KSR2: variants seen among roughly 807,000 people sequenced by gnomAD.
The protein encoded by KSR2 is kinase suppressor of ras 2.
Under a neutral mutation model 107.8 loss-of-function variants are expected in KSR2, and 25 were observed. The ratio of observed to expected loss-of-function variants is 0.23; its 90% CI spans 0.17 to 0.32. The LOEUF (loss-of-function observed/expected upper bound fraction) is 0.32. Ranked by LOEUF, KSR2 falls within the 10% of genes least tolerant of loss-of-function variation. The pLI, the probability that KSR2 is intolerant of heterozygous loss-of-function variation, is 1.00. For missense variants in KSR2, 887 were observed against 1,268.9 expected, an observed-to-expected ratio of 0.70 and a Z score of 4.57; for synonymous variants, 480 against 507.0, an observed-to-expected ratio of 0.95 and a Z score of 0.71.
chr12:117,786,444 G>A lies in KSR2; in HGVS notation c.473-24920C>T, dbSNP rs1324660443. ...TTTCACCACCCAAGTACTAAGCTTA[G>A]TACTCAATAGTTCTTTTTTCTCATC... is the stretch of plus-strand genomic sequence containing the variant. On this transcript the variant is annotated intron_variant, in intron 3 of 19. Transcript: ENST00000339824. Among the ~76,000 whole-genome samples the A allele has an allele frequency of 2.0e-5, 3 of 152,030 alleles. No individual in the cohort carries two copies. The East Asian group carries it at 5.8e-4, about 29-fold the overall frequency.
chr12:117,899,125 A>T (rs769301526), intron 1 of KSR2, among the ~76,000 whole-genome samples: 1 of 152,204 alleles, frequency 6.6e-6, no homozygotes, highest in African/African-American at 2.4e-5. Flanking sequence ...TGCTTATCCC[A>T]AAGTCAAGCT....
At chr12:117,695,660 G>C (rs759940458) in intron 4 of KSR2, among the ~76,000 whole-genome samples, 7 of 151,014 alleles carry the variant, frequency 4.6e-5, no homozygotes, top group Non-Finnish European at 1.0e-4. Context: ...GCAGTGAACT[G>C]TGATCACACC....
chr12:117,637,678 T>A (rs992088025), intron 5 of KSR2, among the ~76,000 whole-genome samples: 1 of 82,136 alleles, frequency 1.2e-5, no homozygotes, highest in Non-Finnish European at 2.4e-5. Context: ...GTTTTGGGTT[T>A]TTTTTTTTTT....
chr12:117,555,422 ATAATG>A, intron 8 of KSR2, 129 bp from the exon 9 acceptor site: 1 of 859,108 alleles, frequency 1.2e-6, no homozygotes, highest in Non-Finnish European at 1.8e-6. Flanking sequence ...ACTAAAAGTG[ATAATG>A]ATTCTGTGGT....
At chr12:117,665,733 C>T (rs1221141719) in intron 5 of KSR2, among the ~76,000 whole-genome samples, 7 of 152,200 alleles carry the variant, frequency 4.6e-5, no homozygotes, top group African/African-American at 1.7e-4. Flanking sequence ...TCATCTAATC[C>T]TCACAACTGT....
chr12:117,784,399 T>C (rs1283630808), intron 3 of KSR2, among the ~76,000 whole-genome samples: 1 of 152,256 alleles, frequency 6.6e-6, no homozygotes, highest in Non-Finnish European at 1.5e-5. Context: ...GCCATGATTG[T>C]GAGGCCTCCC....
chr12:117,839,893 A>G (rs1892392075), intron 3 of KSR2, among the ~76,000 whole-genome samples: 1 of 152,202 alleles, frequency 6.6e-6, no homozygotes, highest in African/African-American at 2.4e-5. Context: ...GATGAAAGTA[A>G]GCAAACAGGG....
intron 17 of KSR2, among the ~76,000 whole-genome samples, chr12:117,473,040 A>G (rs1303186133): frequency 6.6e-6 from 1 of 152,170 alleles, no homozygotes; most frequent in African/African-American, 2.4e-5. Context: ...TTCCAGGCCA[A>G]TATTCCCCAG....
At chr12:117,656,285 A>G (rs7315976) in intron 5 of KSR2, among the ~76,000 whole-genome samples, 20,123 of 152,200 alleles carry the variant, frequency 0.13, 2,176 homozygotes, top group East Asian at 0.54. Context: ...ATAGTATTTG[A>G]GTTAGAGGTT....
At position 117,824,278 on chromosome 12, in the gene KSR2, C is replaced by T. The variant is rs558403053; in HGVS notation, c.472+31150G>A. 2.2e-3 allele frequency among the ~76,000 whole-genome samples: 327 copies of T among 151,774 alleles called. 2 individuals carry two copies. The highest frequency in any genetic ancestry group is 7.5e-3 in the African/African-American group (308 of 41,334). On this transcript the variant is annotated intron_variant, in intron 3 of 19. Coordinates refer to ENST00000339824, the MANE Select transcript of KSR2 (RefSeq NM_173598.6). ...GCAGGGGGAGGGGGAGGGGGTATGA[C>T]GACAAGTTGGATTAATGGGTACAAA...
chr12:117,855,602 C>G (rs776031060), intron 2 of KSR2, 24 bp from the exon 3 acceptor site: 1 of 1,613,200 alleles, frequency 6.2e-7, no homozygotes, highest in Non-Finnish European at 8.5e-7. Flanking sequence ...GAAGGATTGT[C>G]AACCGTGGGG....
At chr12:117,800,855 G>A (rs1285925101) in intron 3 of KSR2, among the ~76,000 whole-genome samples, 1 of 151,974 alleles carries the variant, frequency 6.6e-6, no homozygotes, top group Non-Finnish European at 1.5e-5. Flanking sequence ...GTGGTGTTTG[G>A]TTTTCTGTTC....
intron 10 of KSR2, among the ~76,000 whole-genome samples, chr12:117,536,102 G>T (rs924678881): frequency 1.3e-5 from 2 of 152,188 alleles, no homozygotes; most frequent in African/African-American, 4.8e-5. Flanking sequence ...CATGTCCTGA[G>T]ATTAACAAAT....
At chr12:117,898,329 T>G (rs922962603) in intron 1 of KSR2, among the ~76,000 whole-genome samples, 1 of 151,482 alleles carries the variant, frequency 6.6e-6, no homozygotes, top group Non-Finnish European at 1.5e-5. Context: ...GTCTCCTTTT[T>G]TTTAACTTTT....
Position 117,806,521 on chromosome 12 carries a change from C to G in KSR2, c.473-44997G>C, listed in dbSNP as rs974108800. On this transcript the variant is annotated intron_variant, in intron 3 of 19. Coordinates refer to ENST00000339824, the MANE Select transcript of KSR2 (RefSeq NM_173598.6). Reference sequence around the variant, plus strand: ...TATAGAATTATCTTAAGGAAATTTACAAAACATGAAATTGACCATTTTCAC... The same window carrying G: ...TATAGAATTATCTTAAGGAAATTTAGAAAACATGAAATTGACCATTTTCAC... 2.0e-5 allele frequency among the ~76,000 whole-genome samples: 3 copies of G among 152,192 alleles called. 1 individual carries two copies. The East Asian group carries it at 5.8e-4, about 29-fold the overall frequency.
intron 3 of KSR2, among the ~76,000 whole-genome samples, chr12:117,821,968 C>A (rs58554127): frequency 0.011 from 1,737 of 152,236 alleles, 34 homozygotes; most frequent in African/African-American, 0.039. Context: ...GCAAGAAATA[C>A]GGCTCATAAA....
In KSR2 at chr12:117,526,159, G is replaced by T. The variant is rs892450354; in HGVS notation, c.1851+912C>A. Among the ~76,000 whole-genome samples the T allele has an allele frequency of 3.3e-5, 5 of 152,208 alleles. No homozygotes were observed. In the East Asian group the frequency reaches 9.6e-4, roughly 29 times the overall value. On this transcript the variant is annotated intron_variant, in intron 13 of 19. Coordinates refer to ENST00000339824, the MANE Select transcript of KSR2 (RefSeq NM_173598.6). The stretch of plus-strand genomic sequence containing the variant: ...CCAGCACTATTGGATCAAAATATCC[G>T]CAGGCCAGGACCAGGAATCTGCATT...
chr12:117,866,038 CTT>C lies in KSR2; in HGVS notation c.181-5609_181-5608del, dbSNP rs397838492. ...CTCTGTAACACTTGCTAATCTCTCTCTTTTTTTTTTTTTTTTGAAACAAATTC... is the reference window on the plus strand; with the variant it reads ...CTCTGTAACACTTGCTAATCTCTCTCTTTTTTTTTTTTTTGAAACAAATTC... On this transcript the variant is annotated intron_variant, in intron 1 of 19. Transcript: ENST00000339824. Among the ~76,000 whole-genome samples, 178 of 124,152 alleles carry C rather than the reference CTT, an allele frequency of 1.4e-3. 3 individuals carry two copies. The highest frequency in any genetic ancestry group is 4.7e-3 in the African/African-American group (157 of 33,646). 81.4% of individuals were successfully genotyped at this position (124,152 alleles called of 152,430 possible).
At chr12:117,753,596 A>C (rs1310897221) in intron 4 of KSR2, among the ~76,000 whole-genome samples, 2 of 152,198 alleles carry the variant, frequency 1.3e-5, no homozygotes, top group African/African-American at 4.8e-5. Context: ...CTCACTTTTA[A>C]GTGGGACCTA....
Sources: allele counts gnomAD v4.1 joint callset (sites outside exome capture counted in the v4.1 genomes callset), GRCh38; gene constraint gnomAD v4.1.1; transcripts MANE v1.5; gene names NCBI Gene and HGNC (gene_info 2026-07-23, HGNC 2026-07-21).